Variants in CD163L1 observed in about 807,000 individuals in gnomAD.
CD163L1 encodes scavenger receptor cysteine-rich type 1 protein M160.
In CD163L1, 124 loss-of-function variants were observed where a neutral mutation model predicts 165.4. That is an observed-to-expected ratio of 0.75 (90% CI 0.65 to 0.87). The LOEUF (loss-of-function observed/expected upper bound fraction) is 0.87. Among genes scored for constraint, CD163L1 ranks in the 40% least tolerant of loss-of-function variants. The pLI is 0.00. For synonymous variants in CD163L1, 585 were observed against 662.2 expected (o/e 0.88, Z 1.79); for missense variants, 1,525 against 1,799.9 (o/e 0.85, Z 2.76).
intron 4 of CD163L1, among the ~76,000 whole-genome samples, chr12:7,349,860 C>A (rs977441138): frequency 6.6e-5 from 10 of 152,116 alleles, no homozygotes; most frequent in Admixed American, 5.2e-4. Context: ...TCTCATTGAT[C>A]TCATTGAGGA....
chr12:7,409,638 C>A (rs949669669), intron 4 of CD163L1, among the ~76,000 whole-genome samples: 1 of 152,208 alleles, frequency 6.6e-6, no homozygotes, highest in Non-Finnish European at 1.5e-5. Context: ...CAATTCCTAA[C>A]ATACCGTGAC....
the CD163L1 span, chr12:7,323,296 G>A: frequency 6.2e-7 from 1 of 1,611,014 alleles, no homozygotes; most frequent in Non-Finnish European, 8.5e-7. Context: ...GGAAAGGAAT[G>A]CTGCCCTATG....
chr12:7,374,893 A>G lies in CD163L1; in HGVS notation c.3032T>C (p.Leu1011Pro), dbSNP rs1374101175. The change falls in exon 12 of 20, where the codon CTC becomes CCC. Residue 1011 changes from leucine to proline, a missense_variant. Physicochemically the swap from Leu to Pro is moderately conservative, Grantham distance 98. Coordinates refer to ENST00000313599, the MANE Select transcript of CD163L1 (RefSeq NM_174941.6). The surrounding 1 kb of genome is among the most constrained non-coding windows in gnomAD (Gnocchi z 5.4). Reference sequence around the variant, plus strand: ...CAAATATGGGTCAGATACATTTGCGAGGCATGGAAACAGTGGCTGGGTCAG... The same window carrying G: ...CAAATATGGGTCAGATACATTTGCGGGGCATGGAAACAGTGGCTGGGTCAG... ...GSLTQPLFPC[L>P]ANVSDPYLSA... The G allele has an allele frequency of 5.6e-6, 9 of 1,614,118 alleles. No individual in the cohort carries two copies. Among genetic ancestry groups the G allele is most frequent in the Non-Finnish European group, 7.6e-6 (9 of 1,179,960 alleles).
rs746496144 is a variant in CD163L1 at position 7,373,500 on chromosome 12, G to A, written c.3550C>T (p.Leu1184=). The change falls in exon 14 of 20, where the codon CTG becomes TTG. Residue 1184 remains leucine (L), a synonymous_variant. Coordinates refer to ENST00000313599, the MANE Select transcript of CD163L1 (RefSeq NM_174941.6). ...TAIAGIVCRQ[L]GCGENGVVSL... ...ACAACTCCATTCTCCCCACAGCCCAGCTGCCTGCACACAATGCCTGCTATG... is the reference window on the plus strand; with the variant it reads ...ACAACTCCATTCTCCCCACAGCCCAACTGCCTGCACACAATGCCTGCTATG... 3 of 1,614,204 alleles carry A rather than the reference G, an allele frequency of 1.9e-6. No homozygotes were observed. The highest frequency in any genetic ancestry group is 2.5e-6 in the Non-Finnish European group (3 of 1,180,022).
chr12:7,439,042 C>G, intron 2 of CD163L1: 2 of 1,603,500 alleles, frequency 1.2e-6, no homozygotes, highest in South Asian at 2.2e-5. Flanking sequence ...CCTCAGCACT[C>G]ATGGCACTGT....
At chr12:7,437,038 A>G (rs1262512730) in intron 2 of CD163L1, among the ~76,000 whole-genome samples, 1 of 150,018 alleles carries the variant, frequency 6.7e-6, no homozygotes, top group Admixed American at 6.6e-5. Flanking sequence ...ATTTTCTTGA[A>G]ACATTATTAT....
chr12:7,415,887 C>T (rs1948229005), intron 4 of CD163L1, among the ~76,000 whole-genome samples: 1 of 152,154 alleles, frequency 6.6e-6, no homozygotes, highest in African/African-American at 2.4e-5. Context: ...AATAAACATG[C>T]AAGTGCATGT....
intron 4 of CD163L1, among the ~76,000 whole-genome samples, chr12:7,429,451 A>C (rs907006628): frequency 1.3e-5 from 2 of 152,038 alleles, no homozygotes; most frequent in African/African-American, 4.8e-5. Context: ...TAATTCATAC[A>C]TTTCTTCTGA....
intron 4 of CD163L1, among the ~76,000 whole-genome samples, chr12:7,425,863 A>T (rs1396570683): frequency 6.6e-6 from 1 of 151,570 alleles, no homozygotes; most frequent in Non-Finnish European, 1.5e-5. Context: ...AAATTAGTTC[A>T]ACCATTGTGG....
At position 7,432,508 on chromosome 12, in the gene CD163L1, T is replaced by C. The variant is rs1259947824; in HGVS notation, c.674A>G (p.Gln225Arg). 1.2e-6 allele frequency: 2 copies of C among 1,614,184 alleles called. No homozygotes were observed. Among genetic ancestry groups the C allele is most frequent in the East Asian group, 2.2e-5 (1 of 44,888 alleles). ...ATTCCAGAGTGCCAACTCATTCCCCTGGCATAAAATGTCATCCAGCCAAAT... is the reference window on the plus strand; with the variant it reads ...ATTCCAGAGTGCCAACTCATTCCCCCGGCATAAAATGTCATCCAGCCAAAT... ...RPIWLDDILC[Q>R]GNELALWNCR... Residue 225 changes from glutamine (Q) to arginine (R), a missense_variant, in exon 4 of 20, where the codon CAG becomes CGG. Coordinates refer to ENST00000313599, the MANE Select transcript of CD163L1 (RefSeq NM_174941.6). This position sits in a 1 kb window ranked among gnomAD's most constrained non-coding sequence, Gnocchi z 4.2.
At chr12:7,421,550 C>CATATATGTAT (rs1848803389) in intron 4 of CD163L1, among the ~76,000 whole-genome samples, 1 of 126,580 alleles carries the variant, frequency 7.9e-6, no homozygotes, top group African/African-American at 3.2e-5. Context: ...TACACATATA[C>CATATATGTAT]ATATACATAT....
At chr12:7,434,134 A>G (rs1948681319) in intron 2 of CD163L1, among the ~76,000 whole-genome samples, 1 of 152,222 alleles carries the variant, frequency 6.6e-6, no homozygotes, top group Non-Finnish European at 1.5e-5. Context: ...AGGTTGACAT[A>G]ATAATTTTCT....
chr12:7,407,130 A>C (rs1302416189), intron 4 of CD163L1, among the ~76,000 whole-genome samples: 3 of 152,186 alleles, frequency 2.0e-5, no homozygotes, highest in Non-Finnish European at 4.4e-5. Flanking sequence ...GAATCACAAT[A>C]AATCAATCAA....
intron 4 of CD163L1, among the ~76,000 whole-genome samples, chr12:7,429,382 T>C (rs1042564565): frequency 2.0e-5 from 3 of 152,090 alleles, no homozygotes; most frequent in Non-Finnish European, 2.9e-5. Flanking sequence ...TCTCCCAAGA[T>C]TTTATCAATT....
downstream of CD163L1, among the ~76,000 whole-genome samples, chr12:7,353,873 A>C (rs1290897517): frequency 6.6e-6 from 1 of 152,084 alleles, no homozygotes. Flanking sequence ...CAGTACAGCA[A>C]TATTAATGAA....
rs1290175150 is a variant in CD163L1, at chr12:7,440,230, G to A, written c.124+924C>T. ...GCGTCGGCCGCGGCCGGCCCTCCGC[G>A]CAGGCAGCCCTGGAGGCGGCCCCGC... On this transcript the variant is annotated intron_variant, in intron 2 of 19. Coordinates refer to ENST00000313599, the MANE Select transcript of CD163L1 (RefSeq NM_174941.6). 2.6e-5 allele frequency among the ~76,000 whole-genome samples: 4 copies of A among 152,040 alleles called. No homozygotes were observed. In the South Asian group the frequency reaches 6.2e-4, roughly 24 times the overall value.
chr12:7,396,365 C>G lies in CD163L1; in HGVS notation c.1780G>C (p.Gly594Arg). The G allele has an allele frequency of 6.2e-7, 1 of 1,612,262 alleles. No homozygotes were observed. Among genetic ancestry groups the G allele is most frequent in the Non-Finnish European group, 8.5e-7 (1 of 1,178,534 alleles). Residue 594 changes from glycine (G) to arginine (R), a missense_variant, in exon 8 of 20, where the codon GGA becomes CGA. Transcript: ENST00000313599. ...RLVGGSNRCS[G>R]RLEVYFQGRW... Reference sequence around the variant, plus strand: ...CCTTGAAAGTACACCTCCAGTCTTCCCGAGCAGCGGTTGCTGCCGCCCACC... The same window carrying G: ...CCTTGAAAGTACACCTCCAGTCTTCGCGAGCAGCGGTTGCTGCCGCCCACC...
At chr12:7,363,683 G>GAT (rs1946952856) in intron 18 of CD163L1, among the ~76,000 whole-genome samples, 1 of 150,774 alleles carries the variant, frequency 6.6e-6, no homozygotes, top group South Asian at 2.1e-4. Context: ...AGAAGAAACT[G>GAT]ATATATTTCT....
At chr12:7,338,602 T>A in the CD163L1 span, among the ~76,000 whole-genome samples, 4 of 152,168 alleles carry the variant, frequency 2.6e-5, no homozygotes, top group African/African-American at 7.2e-5. Context: ...TCTTTTGCAG[T>A]GAGATGCTTA....
Sources: gnomAD v4.1 joint callset for allele counts (sites outside exome capture counted in the v4.1 genomes callset) on GRCh38, gnomAD v4.1.1 for gene constraint, Gnocchi (gnomAD v3.1) non-coding constraint, MANE v1.5 for transcripts, NCBI Gene and HGNC (gene_info 2026-07-23, HGNC 2026-07-21) for gene names.